EHMT1: variants seen among roughly 807,000 people sequenced by gnomAD.
EHMT1 encodes the protein histone-lysine N-methyltransferase EHMT1.
In EHMT1, 15 loss-of-function variants were observed where a neutral mutation model predicts 147.2. That is an observed-to-expected ratio of 0.10 (90% confidence interval 0.07 to 0.16). The LOEUF is 0.16. EHMT1 is among the 10% of genes least tolerant of loss of function. The pLI is 1.00. For missense variants in EHMT1, 1,587 were observed against 1,772.4 expected, an observed-to-expected ratio of 0.90 and a Z score of 1.88; for synonymous variants, 795 against 709.6, an observed-to-expected ratio of 1.12 and a Z score of -1.91.
intron 3 of EHMT1, among the ~76,000 whole-genome samples, chr9:137,717,510 T>G (rs1001768238): frequency 3.4e-5 from 5 of 147,380 alleles, no homozygotes; most frequent in African/African-American, 1.3e-4. Context: ...CTCAGGAGTG[T>G]GAGGTGGGAG....
chr9:137,805,067 GTC>G lies in EHMT1; in HGVS notation c.2712+4085_2712+4086del, dbSNP rs553289462. ...GTCGTCCACATGTGTCAGTCCACAT[GTC>G]TGTCAGTCGTCCACATGTGAGAGTC... On this transcript the variant is annotated intron_variant, in intron 18 of 26. Coordinates refer to ENST00000460843, the MANE Select transcript of EHMT1 (RefSeq NM_024757.5). Among the ~76,000 whole-genome samples, 13 of 151,312 alleles carry G rather than the reference GTC, an allele frequency of 8.6e-5. No homozygotes were observed. In the East Asian group the frequency reaches 2.3e-3, roughly 27 times the overall value.
intron 1 of EHMT1, among the ~76,000 whole-genome samples, chr9:137,636,633 C>G (rs1194701628): frequency 6.6e-6 from 1 of 151,964 alleles, no homozygotes; most frequent in East Asian, 1.9e-4. Flanking sequence ...AAATGTTTGT[C>G]TCTATCTGTT....
chr9:137,832,427 T>C (rs7025607), intron 25 of EHMT1, among the ~76,000 whole-genome samples: 13,031 of 137,952 alleles, frequency 0.094, 2,827 homozygotes, highest in African/African-American at 0.38. Context: ...CACTGCACTT[T>C]GCTCCCATCC....
At chr9:137,701,070 C>G (rs1943781746) in intron 1 of EHMT1, among the ~76,000 whole-genome samples, 1 of 152,050 alleles carries the variant, frequency 6.6e-6, no homozygotes, top group Non-Finnish European at 1.5e-5. Context: ...TGCACACTTT[C>G]CAACAACCAG....
At chr9:137,747,189 G>C (rs977931671) in intron 6 of EHMT1, 1 of 151,992 alleles carries the variant, frequency 6.6e-6, no homozygotes, top group Non-Finnish European at 1.5e-5. Context: ...ACTGAGTCTG[G>C]CGCTGTCACC....
intron 1 of EHMT1, among the ~76,000 whole-genome samples, chr9:137,628,930 A>G (rs747711828): frequency 1.1e-4 from 17 of 151,972 alleles, no homozygotes; most frequent in Non-Finnish European, 1.5e-4. Flanking sequence ...AATTTGGCTT[A>G]TAAGAATCAT....
chr9:137,637,255 A>G (rs1844151879), intron 1 of EHMT1, among the ~76,000 whole-genome samples: 1 of 151,978 alleles, frequency 6.6e-6, no homozygotes, highest in South Asian at 2.1e-4. Flanking sequence ...GGCTCACCAC[A>G]GCCTCCGCCT....
At position 137,834,536 on chromosome 9, in the gene EHMT1, C is replaced by T. The variant is rs757427956; in HGVS notation, c.3716+12C>T. 1.4e-5 allele frequency: 22 copies of T among 1,609,024 alleles called. No homozygotes were observed. The East Asian group carries it at 4.5e-4, about 33-fold the overall frequency. Reference sequence around the variant, plus strand: ...GGCGAGCAGCTCGGGTACGCACCGCCCCGGCCCCTGGCCATCTCCGCTGCC... The same window carrying T: ...GGCGAGCAGCTCGGGTACGCACCGCTCCGGCCCCTGGCCATCTCCGCTGCC... On this transcript the variant is annotated intron_variant, in intron 26 of 26. Coordinates refer to ENST00000460843, the MANE Select transcript of EHMT1 (RefSeq NM_024757.5).
intron 1 of EHMT1, among the ~76,000 whole-genome samples, chr9:137,669,376 TG>T (rs1940184694): frequency 2.1e-4 from 1 of 4,680 alleles, no homozygotes; most frequent in Admixed American, 2.6e-3. Context: ...GCACGTGCAC[TG>T]GACTCCACCC....
intron 18 of EHMT1, among the ~76,000 whole-genome samples, chr9:137,810,035 G>A (rs1418430552): frequency 8.3e-6 from 1 of 119,888 alleles, no homozygotes; most frequent in Non-Finnish European, 1.5e-5. Flanking sequence ...GTCCGGAGGC[G>A]GTTCCGATGC....
intron 1 of EHMT1, among the ~76,000 whole-genome samples, chr9:137,682,672 GGCTTTACTTCTGTGTGCC>G (rs754743813): frequency 6.6e-6 from 1 of 152,222 alleles, no homozygotes; most frequent in Non-Finnish European, 1.5e-5. Flanking sequence ...AGCTTGGAGA[GGCTTTACTTCTGTGTGCC>G]GCCTTCCCCG....
At chr9:137,715,431 G>A (rs1351448085) in intron 2 of EHMT1, 6 of 548,340 alleles carry the variant, frequency 1.1e-5, no homozygotes, top group South Asian at 7.9e-5. Context: ...GGGCATTTGC[G>A]CTCATAGGAC....
Position 137,818,689 on chromosome 9 carries a change from C to T in EHMT1, c.3540+551C>T, listed in dbSNP as rs370354321. On this transcript the variant is annotated intron_variant, in intron 25 of 26. Coordinates refer to ENST00000460843, the MANE Select transcript of EHMT1 (RefSeq NM_024757.5). ...ACTGAGGGGCGCCGTGTACCGAGAC[C>T]GTAGAGAGGCCGACTGAGGGGCGCC... 4.1e-3 allele frequency among the ~76,000 whole-genome samples: 58 copies of T among 14,068 alleles called. 1 individual carries two copies. The East Asian group carries it at 0.074, about 18-fold the overall frequency. 9.2% of individuals were successfully genotyped at this position (14,068 alleles called of 152,430 possible).
chr9:137,754,131 G>C, intron 7 of EHMT1, 40 bp from the exon 8 acceptor site: 1 of 1,613,690 alleles, frequency 6.2e-7, no homozygotes, highest in Non-Finnish European at 8.5e-7. Context: ...GTAGCTTCCT[G>C]TGCTTAGTGG....
At position 137,639,715 on chromosome 9, in the gene EHMT1, C is replaced by T. The variant is rs548624039; in HGVS notation, c.21+20666C>T. 1.4e-4 allele frequency among the ~76,000 whole-genome samples: 22 copies of T among 152,316 alleles called. No individual in the cohort carries two copies. In the East Asian group the frequency reaches 3.9e-3, roughly 27 times the overall value. ...TCTTCAATCGAAGGGATGTCTCTTA[C>T]AGTCCTTTCCATCTGAGATCGGATC... On this transcript the variant is annotated intron_variant, in intron 1 of 26. Coordinates refer to ENST00000460843, the MANE Select transcript of EHMT1 (RefSeq NM_024757.5).
At chr9:137,812,927 G>C (rs1048523427) in intron 19 of EHMT1, 79 bp from the exon 20 acceptor site, 3 of 1,571,222 alleles carry the variant, frequency 1.9e-6, no homozygotes, top group African/African-American at 2.7e-5. Context: ...TAGTGATGAC[G>C]GACATTTTAT....
chr9:137,724,593 C>G (rs897840253), intron 3 of EHMT1, among the ~76,000 whole-genome samples: 3 of 152,226 alleles, frequency 2.0e-5, no homozygotes, highest in African/African-American at 4.8e-5. Flanking sequence ...GCTATTTTCT[C>G]TTCAGGTTTT....
intron 1 of EHMT1, among the ~76,000 whole-genome samples, chr9:137,635,591 T>A (rs188424756): frequency 2.7e-5 from 4 of 150,916 alleles, no homozygotes; most frequent in Non-Finnish European, 4.4e-5. Context: ...GAGGCCGAGG[T>A]GGGTGGATCA....
At chr9:137,716,579 T>C in intron 2 of EHMT1, 47 bp from the exon 3 acceptor site, 1 of 1,509,580 alleles carries the variant, frequency 6.6e-7, no homozygotes, top group Non-Finnish European at 8.9e-7. Context: ...GGTGGTGCCA[T>C]GGAGAGCGTG....
Sources: gnomAD v4.1 joint callset for allele counts (sites outside exome capture counted in the v4.1 genomes callset) on GRCh38, gnomAD v4.1.1 for gene constraint, MANE v1.5 for transcripts, NCBI Gene and HGNC (gene_info 2026-07-23, HGNC 2026-07-21) for gene names.